The following GNG12 variants were observed in gnomAD, a reference collection of about 807,000 sequenced individuals.
GNG12 encodes guanine nucleotide-binding protein G(I)/G(S)/G(O) subunit gamma-12.
For missense variants in GNG12, 69 were observed against 83.8 expected (o/e 0.82, Z 0.69); for synonymous variants, 28 against 29.7 (o/e 0.94, Z 0.19).
chr1:67,737,315 A>C (rs981997587), intron 2 of GNG12, among the ~76,000 whole-genome samples: 2 of 152,262 alleles, frequency 1.3e-5, no homozygotes, highest in Non-Finnish European at 2.9e-5. Context: ...CATTATAAAA[A>C]TAAATCATTA....
chr1:67,738,523 C>G (rs1322490107), intron 2 of GNG12, among the ~76,000 whole-genome samples: 2 of 152,172 alleles, frequency 1.3e-5, no homozygotes, highest in Non-Finnish European at 2.9e-5. Flanking sequence ...CCCCCTGGAG[C>G]TCTGGTCTCT....
At chr1:67,795,890 T>C (rs1019342690) in intron 1 of GNG12, among the ~76,000 whole-genome samples, 2 of 152,178 alleles carry the variant, frequency 1.3e-5, no homozygotes, top group African/African-American at 2.4e-5. Flanking sequence ...ACTCCAGCTA[T>C]GCAAAAATAT....
intron 2 of GNG12, among the ~76,000 whole-genome samples, chr1:67,718,029 G>T (rs1646336339): frequency 6.6e-6 from 1 of 152,216 alleles, no homozygotes; most frequent in East Asian, 1.9e-4. Flanking sequence ...TGCCTGACAT[G>T]CACTGGTCCT....
chr1:67,763,071 T>G (rs1314265590), intron 2 of GNG12, among the ~76,000 whole-genome samples: 1 of 68,708 alleles, frequency 1.5e-5, no homozygotes, highest in African/African-American at 4.7e-5. Context: ...TTTACTATAT[T>G]TAACACCCTA....
intron 1 of GNG12, among the ~76,000 whole-genome samples, chr1:67,815,157 A>T (rs985605544): frequency 3.3e-5 from 5 of 152,166 alleles, no homozygotes; most frequent in Non-Finnish European, 7.3e-5. Flanking sequence ...CTCTCTAAAA[A>T]TTTTTTAAAT....
At chr1:67,711,469 T>A (rs554525728) in intron 2 of GNG12, among the ~76,000 whole-genome samples, 11 of 149,752 alleles carry the variant, frequency 7.3e-5, no homozygotes, top group African/African-American at 2.7e-4. Context: ...TGGCAACGAG[T>A]TATGGGAGGT....
intron 2 of GNG12, among the ~76,000 whole-genome samples, chr1:67,709,368 C>G (rs755190618): frequency 6.6e-6 from 1 of 152,080 alleles, no homozygotes; most frequent in African/African-American, 2.4e-5. Flanking sequence ...TTTGATTGAG[C>G]GGGTATGGGT....
At chr1:67,789,279 G>A (rs1404665767) in intron 1 of GNG12, among the ~76,000 whole-genome samples, 1 of 152,160 alleles carries the variant, frequency 6.6e-6, no homozygotes, top group Non-Finnish European at 1.5e-5. Flanking sequence ...ACATAGGAAT[G>A]GATGAGGACA....
At chr1:67,752,771 C>G (rs1036390138) in intron 2 of GNG12, among the ~76,000 whole-genome samples, 2 of 152,178 alleles carry the variant, frequency 1.3e-5, no homozygotes, top group Non-Finnish European at 2.9e-5. Flanking sequence ...TTTATTTTAG[C>G]AACATTCTCT....
intron 1 of GNG12, among the ~76,000 whole-genome samples, chr1:67,796,088 G>T (rs558904574): frequency 6.6e-6 from 1 of 152,164 alleles, no homozygotes; most frequent in Non-Finnish European, 1.5e-5. Flanking sequence ...ACATGTGACC[G>T]ATTTAGAAAA....
chr1:67,817,597 A>T (rs1353815584), intron 1 of GNG12, among the ~76,000 whole-genome samples: 1 of 151,692 alleles, frequency 6.6e-6, no homozygotes, highest in Non-Finnish European at 1.5e-5. Context: ...GTGCTTCCAT[A>T]CTTCTGTATT....
At chr1:67,815,492 G>A (rs1427244116) in intron 1 of GNG12, among the ~76,000 whole-genome samples, 1 of 152,144 alleles carries the variant, frequency 6.6e-6, no homozygotes, top group Admixed American at 6.5e-5. Flanking sequence ...ACAAGGCCTT[G>A]CGGAGGCTCC....
chr1:67,758,657 C>A (rs1646584191), intron 2 of GNG12, among the ~76,000 whole-genome samples: 1 of 152,284 alleles, frequency 6.6e-6, no homozygotes. Context: ...AGGTTGGATA[C>A]AACTATAGAA....
chr1:67,764,569 G>A (rs1646624923), intron 2 of GNG12, among the ~76,000 whole-genome samples: 1 of 152,114 alleles, frequency 6.6e-6, no homozygotes, highest in African/African-American at 2.4e-5. Context: ...GCAATTACCT[G>A]ACTTTGAGGG....
At chr1:67,806,558 C>A (rs576712203) in intron 1 of GNG12, among the ~76,000 whole-genome samples, 1 of 151,054 alleles carries the variant, frequency 6.6e-6, no homozygotes, top group Admixed American at 6.6e-5. Context: ...TGGAACCAAT[C>A]CCCTGTGTAT....
At chr1:67,799,684 G>A (rs1646853251) in intron 1 of GNG12, among the ~76,000 whole-genome samples, 1 of 152,080 alleles carries the variant, frequency 6.6e-6, no homozygotes, top group Non-Finnish European at 1.5e-5. Context: ...GATATATACT[G>A]TTAGAAATTG....
chr1:67,801,167 T>A (rs1646862403), intron 1 of GNG12, among the ~76,000 whole-genome samples: 1 of 152,148 alleles, frequency 6.6e-6, no homozygotes, highest in South Asian at 2.1e-4. Flanking sequence ...TATGTGCAAA[T>A]TACCTGTCGC....
chr1:67,707,781 G>A, intron 2 of GNG12, 69 bp from the exon 3 acceptor site: 1 of 761,882 alleles, frequency 1.3e-6, no homozygotes. Flanking sequence ...ATAATAATAT[G>A]TTCTACTTAA....
intron 1 of GNG12, among the ~76,000 whole-genome samples, chr1:67,794,316 C>G (rs1305944912): frequency 6.6e-6 from 1 of 152,090 alleles, no homozygotes; most frequent in East Asian, 1.9e-4. Context: ...GGTCTTTGCC[C>G]TGCTCACTCC....
Sources: gnomAD v4.1 joint callset for allele counts (sites outside exome capture counted in the v4.1 genomes callset) on GRCh38, gnomAD v4.1.1 for gene constraint, MANE v1.5 for transcripts, NCBI Gene and HGNC (gene_info 2026-07-23, HGNC 2026-07-21) for gene names.